VAX2: variants seen among roughly 807,000 people sequenced by gnomAD.
VAX2 encodes the protein ventral anterior homeobox 2.
A neutral mutation model predicts 12.5 loss-of-function variants in VAX2; 8 were observed. That is an observed-to-expected ratio of 0.64 (90% CI 0.37 to 1.15). The LOEUF (loss-of-function observed/expected upper bound fraction) is 1.15. VAX2 is among the 50% of genes most tolerant of loss of function. VAX2 has a pLI of 0.01. For missense variants in VAX2, 476 were observed against 412.9 expected (o/e 1.15, Z -1.32); for synonymous variants, 183 against 187.6 (o/e 0.98, Z 0.20).
intron 1 of VAX2, among the ~76,000 whole-genome samples, chr2:70,916,905 CT>C (rs1451733528): frequency 6.6e-6 from 1 of 152,086 alleles, no homozygotes; most frequent in Non-Finnish European, 1.5e-5. Flanking sequence ...AATCCCAACA[CT>C]TTGGGAGGCC....
At chr2:70,932,276 T>C (rs1273886346) in intron 2 of VAX2, among the ~76,000 whole-genome samples, 1 of 150,550 alleles carries the variant, frequency 6.6e-6, no homozygotes, top group Non-Finnish European at 1.5e-5. Context: ...GTTTGGGGTG[T>C]TTTTTGAGAT....
chr2:70,913,490 A>T (rs890561069), intron 1 of VAX2, among the ~76,000 whole-genome samples: 9 of 152,134 alleles, frequency 5.9e-5, no homozygotes, highest in Non-Finnish European at 1.3e-4. Context: ...CAGTCTGGCC[A>T]ACATGGTGAA....
rs1679004336 is a variant in VAX2, at chr2:70,904,405, C to T, written c.247+3537C>T. ...TCCCTACAACCCCGCGATCGATGCTCCACCTGCACGCTCAAACGCACCTGT... is the reference window on the plus strand; with the variant it reads ...TCCCTACAACCCCGCGATCGATGCTTCACCTGCACGCTCAAACGCACCTGT... On this transcript the variant is annotated intron_variant, in intron 1 of 2. Transcript: ENST00000234392. This position sits in a 1 kb window ranked among gnomAD's most constrained non-coding sequence, Gnocchi z 4.2. Among the ~76,000 whole-genome samples the T allele has an allele frequency of 6.6e-6, 1 of 152,206 alleles. No individual in the cohort carries two copies. The highest frequency in any genetic ancestry group is 6.5e-5 in the Admixed American group (1 of 15,276).
intron 2 of VAX2, among the ~76,000 whole-genome samples, chr2:70,931,205 G>A (rs1483250954): frequency 5.9e-5 from 9 of 152,214 alleles, no homozygotes; most frequent in Non-Finnish European, 7.3e-5. Flanking sequence ...AGCACTGGGT[G>A]TTGGGTAGTA....
chr2:70,903,507 T>C (rs150664803), intron 1 of VAX2, among the ~76,000 whole-genome samples: 28 of 152,276 alleles, frequency 1.8e-4, no homozygotes, highest in African/African-American at 5.8e-4. Flanking sequence ...TAAGCAAAAT[T>C]GGTTTAGATT....
chr2:70,908,194 T>C (rs547408525), intron 1 of VAX2, among the ~76,000 whole-genome samples: 66 of 152,254 alleles, frequency 4.3e-4, no homozygotes, highest in Non-Finnish European at 8.2e-4. Context: ...AGATAATTAA[T>C]TCATCAAAAC....
intron 1 of VAX2, among the ~76,000 whole-genome samples, chr2:70,918,368 C>T (rs1205878771): frequency 1.3e-5 from 2 of 152,214 alleles, no homozygotes; most frequent in Non-Finnish European, 2.9e-5. Context: ...GAGTCAGTCT[C>T]CTGGGGTGGG....
rs1349072000 is a variant in VAX2, at chr2:70,900,857, T to TA, written c.237dup (p.Leu80ThrfsTer16). ...GGCGAGGCAGACCACTGCCGCCGCA[T>TA]ACTGGTGCGAGGTAAGGGGACAGCC... On this transcript the variant is annotated frameshift_variant, in exon 1 of 3. Transcript: ENST00000234392. LOFTEE classifies it high-confidence loss of function. 7.0e-7 allele frequency: 1 copy of TA among 1,428,738 alleles called. No individual in the cohort carries two copies. The highest frequency in any genetic ancestry group is 9.2e-7 in the Non-Finnish European group (1 of 1,087,692). 88.5% of individuals were successfully genotyped at this position (1,428,738 alleles called of 1,614,324 possible). A position where few individuals can be genotyped will look rare whatever the true frequency, so the allele number is the denominator to read the frequency against.
chr2:70,929,630 T>G (rs978130146), intron 2 of VAX2, among the ~76,000 whole-genome samples: 1 of 147,512 alleles, frequency 6.8e-6, no homozygotes, highest in Non-Finnish European at 1.5e-5. Context: ...GAAGTTGCAG[T>G]GAGCCGAGAT....
chr2:70,911,585 T>C (rs924913018), intron 1 of VAX2, among the ~76,000 whole-genome samples: 60 of 152,226 alleles, frequency 3.9e-4, no homozygotes, highest in Admixed American at 1.0e-3. Flanking sequence ...CTAATTCTAC[T>C]CAGCCTTGCC....
chr2:70,926,115 A>T (rs1553413503), intron 2 of VAX2, among the ~76,000 whole-genome samples: 1 of 151,972 alleles, frequency 6.6e-6, no homozygotes, highest in Non-Finnish European at 1.5e-5. Context: ...GCAGATTTAA[A>T]TCTGAAACCC....
chr2:70,915,306 G>A (rs1553411797), intron 1 of VAX2, among the ~76,000 whole-genome samples: 1 of 151,568 alleles, frequency 6.6e-6, no homozygotes, highest in African/African-American at 2.4e-5. Flanking sequence ...GGAGAGCAAT[G>A]GCACAATCTC....
intron 1 of VAX2, among the ~76,000 whole-genome samples, chr2:70,919,243 A>G (rs1235771938): frequency 7.9e-5 from 12 of 151,298 alleles, no homozygotes; most frequent in Non-Finnish European, 1.8e-4. Flanking sequence ...AAAAAAAAAA[A>G]AAAGAATAAA....
At chr2:70,903,443 T>G (rs1049889382) in intron 1 of VAX2, among the ~76,000 whole-genome samples, 7 of 152,110 alleles carry the variant, frequency 4.6e-5, no homozygotes, top group Non-Finnish European at 7.4e-5. Context: ...GGGGCAGGTT[T>G]GTTGAGGGAG....
At chr2:70,903,718 A>G (rs78592743) in intron 1 of VAX2, among the ~76,000 whole-genome samples, 2,526 of 152,076 alleles carry the variant, frequency 0.017, 62 homozygotes, top group African/African-American at 0.049. Flanking sequence ...GAGGTGACCC[A>G]CGAACCACTT....
chr2:70,909,174 T>A (rs1164774879), intron 1 of VAX2, among the ~76,000 whole-genome samples: 1 of 152,052 alleles, frequency 6.6e-6, no homozygotes, highest in Non-Finnish European at 1.5e-5. Context: ...GTCATTATAT[T>A]TATTTTTTAG....
At chr2:70,916,072 T>C (rs1679300289) in intron 1 of VAX2, among the ~76,000 whole-genome samples, 1 of 152,270 alleles carries the variant, frequency 6.6e-6, no homozygotes, top group Non-Finnish European at 1.5e-5. Context: ...TGTACAATTT[T>C]AAATCATCTT....
At chr2:70,914,518 A>G (rs781836239) in intron 1 of VAX2, among the ~76,000 whole-genome samples, 8 of 152,190 alleles carry the variant, frequency 5.3e-5, no homozygotes, top group Non-Finnish European at 1.0e-4. Context: ...TGCAGCCTTA[A>G]AAGATGGACT....
chr2:70,911,552 T>C lies in VAX2; in HGVS notation c.248-9546T>C, dbSNP rs547007063. Among the ~76,000 whole-genome samples, 17 of 152,348 alleles carry C rather than the reference T, an allele frequency of 1.1e-4. 1 individual carries two copies. Among genetic ancestry groups the C allele is most frequent in the African/African-American group, 4.1e-4 (17 of 41,576 alleles). ...CCATATATTATATCAATTTATGTTCTTATTGAGAGAGCTTGAGAGAACCTA... is the reference window on the plus strand; with the variant it reads ...CCATATATTATATCAATTTATGTTCCTATTGAGAGAGCTTGAGAGAACCTA... On this transcript the variant is annotated intron_variant, in intron 1 of 2. Coordinates refer to ENST00000234392, the MANE Select transcript of VAX2 (RefSeq NM_012476.3).
Sources: gnomAD v4.1 joint callset for allele counts (sites outside exome capture counted in the v4.1 genomes callset) on GRCh38, gnomAD v4.1.1 for gene constraint, Gnocchi (gnomAD v3.1) non-coding constraint, MANE v1.5 for transcripts, NCBI Gene and HGNC (gene_info 2026-07-23, HGNC 2026-07-21) for gene names.